The following AGMO variants were observed in gnomAD, a reference collection of about 807,000 sequenced individuals.
AGMO encodes the protein alkylglycerol monooxygenase.
Under a neutral mutation model 60.2 loss-of-function variants are expected in AGMO, and 75 were observed. The ratio of observed to expected loss-of-function variants is 1.25; its 90% CI spans 1.03 to 1.51. AGMO has a LOEUF of 1.51. AGMO is among the 40% of genes most tolerant of loss of function. The pLI is 0.00. For synonymous variants in AGMO, 261 were observed against 177.1 expected (o/e 1.47, Z -3.76); for missense variants, 763 against 525.5 (o/e 1.45, Z -4.42).
chr7:15,416,399 C>G (rs576446178), intron 5 of AGMO, among the ~76,000 whole-genome samples: 1 of 152,028 alleles, frequency 6.6e-6, no homozygotes, highest in Non-Finnish European at 1.5e-5. Flanking sequence ...CTATTTGGTA[C>G]GTTTTATGGC....
intron 12 of AGMO, among the ~76,000 whole-genome samples, chr7:15,277,425 T>G (rs1783833926): frequency 1.3e-5 from 2 of 152,174 alleles, no homozygotes; most frequent in Non-Finnish European, 2.9e-5. Context: ...CCTTTGGTGG[T>G]GTCATGACAT....
the AGMO span, among the ~76,000 whole-genome samples, chr7:15,144,313 C>T: frequency 1.3e-5 from 2 of 152,116 alleles, no homozygotes; most frequent in African/African-American, 2.4e-5. Flanking sequence ...TAGCATCATA[C>T]AATCTTTGAT....
At chr7:15,554,791 G>A (rs1785077590) in intron 2 of AGMO, among the ~76,000 whole-genome samples, 1 of 151,868 alleles carries the variant, frequency 6.6e-6, no homozygotes, top group Non-Finnish European at 1.5e-5. Flanking sequence ...ATGTTATTTG[G>A]GGATTGAGAA....
intron 5 of AGMO, among the ~76,000 whole-genome samples, chr7:15,416,412 A>AT (rs1016338034): frequency 2.3e-4 from 35 of 152,154 alleles, no homozygotes; most frequent in Non-Finnish European, 4.1e-4. Flanking sequence ...TTTATGGCCT[A>AT]TTTTTTATCT....
At chr7:15,129,277 T>C in the AGMO span, among the ~76,000 whole-genome samples, 1 of 132,346 alleles carries the variant, frequency 7.6e-6, no homozygotes, top group African/African-American at 2.5e-5. Flanking sequence ...CTCTTTTACT[T>C]ATAGTGCCTG....
At chr7:15,499,972 A>T (rs1400981045) in intron 3 of AGMO, among the ~76,000 whole-genome samples, 2 of 150,038 alleles carry the variant, frequency 1.3e-5, no homozygotes, top group Non-Finnish European at 3.0e-5. Flanking sequence ...AGAAAAAAGC[A>T]ATTGGATTTT....
intron 12 of AGMO, among the ~76,000 whole-genome samples, chr7:15,364,642 G>C (rs1191620398): frequency 1.3e-5 from 2 of 152,022 alleles, no homozygotes; most frequent in Non-Finnish European, 2.9e-5. Context: ...ATTCCTAGAA[G>C]TGAAATGCCG....
At chr7:15,292,872 C>G (rs1212232496) in intron 12 of AGMO, among the ~76,000 whole-genome samples, 1 of 150,936 alleles carries the variant, frequency 6.6e-6, no homozygotes, top group African/African-American at 2.4e-5. Flanking sequence ...ATTCTCCTGC[C>G]TCAACCTACC....
intron 3 of AGMO, among the ~76,000 whole-genome samples, chr7:15,440,495 CA>C (rs142026962): frequency 0.026 from 4,001 of 152,168 alleles, 73 homozygotes; most frequent in Middle Eastern, 0.044. Context: ...GTGTATTGGG[CA>C]ACTCTGTGTG....
At chr7:15,440,051 C>T (rs934074246) in intron 3 of AGMO, among the ~76,000 whole-genome samples, 18 of 152,120 alleles carry the variant, frequency 1.2e-4, no homozygotes, top group African/African-American at 4.3e-4. Flanking sequence ...AAAGAGAAAG[C>T]GAGAGGGGGT....
chr7:15,173,545 C>T, the AGMO span, among the ~76,000 whole-genome samples: 1 of 151,758 alleles, frequency 6.6e-6, no homozygotes, highest in East Asian at 1.9e-4. Context: ...CAGAATGAAA[C>T]TACAAATTAA....
At chr7:15,153,184 G>GT in the AGMO span, among the ~76,000 whole-genome samples, 5,997 of 147,114 alleles carry the variant, frequency 0.041, 398 homozygotes, top group African/African-American at 0.14. Context: ...TGATAGGATT[G>GT]TTTTTTTTTT....
chr7:15,412,177 G>A (rs900471750), intron 5 of AGMO, among the ~76,000 whole-genome samples: 3 of 151,870 alleles, frequency 2.0e-5, no homozygotes, highest in African/African-American at 7.3e-5. Flanking sequence ...TTCTCATTTT[G>A]CACATTGCAT....
At chr7:15,196,529 G>T (rs1307854118), downstream of AGMO, among the ~76,000 whole-genome samples, 1 of 152,182 alleles carries the variant, frequency 6.6e-6, no homozygotes, top group Non-Finnish European at 1.5e-5. Context: ...AACTTGACAG[G>T]AGGGACAAGA....
At chr7:15,378,182 T>A (rs1420907130) in intron 10 of AGMO, among the ~76,000 whole-genome samples, 1 of 152,084 alleles carries the variant, frequency 6.6e-6, no homozygotes, top group Admixed American at 6.6e-5. Flanking sequence ...GTCGATTTCA[T>A]GTTTCCCTGT....
chr7:15,229,391 GATAAAATAAA>G (rs1244975450), intron 12 of AGMO, among the ~76,000 whole-genome samples: 1 of 151,070 alleles, frequency 6.6e-6, no homozygotes, highest in Admixed American at 6.6e-5. Context: ...ACAAAAATAA[GATAAAATAAA>G]ATAAAATAAA....
chr7:15,300,201 T>A (rs1178203868), intron 12 of AGMO, among the ~76,000 whole-genome samples: 1 of 152,128 alleles, frequency 6.6e-6, no homozygotes. Flanking sequence ...AAGTTAGAAA[T>A]ATCAGATAGA....
At chr7:15,188,123 TCAAA>T in the AGMO span, among the ~76,000 whole-genome samples, 1 of 152,058 alleles carries the variant, frequency 6.6e-6, no homozygotes, top group Non-Finnish European at 1.5e-5. Flanking sequence ...CTGGTATGGG[TCAAA>T]CAGAGGTTCA....
rs1784918401 is a variant in AGMO at position 15,550,456 on chromosome 7, T to C, written c.258-5533A>G. On this transcript the variant is annotated intron_variant, in intron 2 of 12. Coordinates refer to ENST00000342526, the MANE Select transcript of AGMO (RefSeq NM_001004320.2). ...AAGAAGAAAAGAGAGAAGAATCAAA[T>C]AGACACTATAAAAAATGATAAAGGG... Among the ~76,000 whole-genome samples, 6 of 151,960 alleles carry C rather than the reference T, an allele frequency of 3.9e-5. No individual in the cohort carries two copies. In the South Asian group the frequency reaches 1.2e-3, roughly 32 times the overall value.
Sources: allele counts gnomAD v4.1 joint callset (sites outside exome capture counted in the v4.1 genomes callset), GRCh38; gene constraint gnomAD v4.1.1; transcripts MANE v1.5; gene names NCBI Gene and HGNC (gene_info 2026-07-23, HGNC 2026-07-21).